The following ADGRV1 variants were observed in gnomAD, a reference collection of about 807,000 sequenced individuals.
The protein encoded by ADGRV1 is adhesion G protein-coupled receptor V1.
In ADGRV1, 359 loss-of-function variants were observed where a neutral mutation model predicts 596.2. That is an observed-to-expected ratio of 0.60 (90% CI 0.55 to 0.66). The LOEUF is 0.66. ADGRV1 is among the 30% of genes least tolerant of loss of function. ADGRV1 has a pLI of 0.00. For synonymous variants in ADGRV1, 2,681 were observed against 2,679.2 expected, an observed-to-expected ratio of 1.00 and a Z score of -0.02; for missense variants, 7,274 against 7,575.6, an observed-to-expected ratio of 0.96 and a Z score of 1.48.
chr5:90,791,161 A>C lies in ADGRV1; in HGVS notation c.14332A>C (p.Asn4778His). The stretch of plus-strand genomic sequence containing the variant: ...TCGCCAGTCAATACTTATTGGGCAG[A>C]ACCTTATTAGATCCATCCAAATTAA... The part of the protein sequence containing the change: ...SDRQSILIGQ[N>H]LIRSIQINIT... The change falls in exon 70 of 90, where the codon AAC (asparagine) becomes CAC (histidine). Residue 4778 changes from asparagine to histidine, a missense_variant. By Grantham distance (68) the Asn-to-His change is moderately conservative. Transcript: ENST00000405460. 1 of 1,613,988 alleles carries C rather than the reference A, an allele frequency of 6.2e-7. No homozygotes were observed. Among genetic ancestry groups the C allele is most frequent in the Non-Finnish European group, 8.5e-7 (1 of 1,179,890 alleles).
chr5:90,644,092 AG>A (rs1767367859), intron 14 of ADGRV1, 109 bp downstream of exon 14: 4 of 788,298 alleles, frequency 5.1e-6, no homozygotes, highest in Non-Finnish European at 7.7e-6. Context: ...ACCCTGCCTT[AG>A]AAATTACACA....
chr5:90,661,177 T>C (rs1770233485), intron 21 of ADGRV1, among the ~76,000 whole-genome samples: 1 of 152,216 alleles, frequency 6.6e-6, no homozygotes, highest in Non-Finnish European at 1.5e-5. Flanking sequence ...CTGTACCATA[T>C]TTTAGCACTG....
chr5:90,691,190 C>A, intron 31 of ADGRV1, 149 bp downstream of exon 31: 2 of 1,016,266 alleles, frequency 2.0e-6, no homozygotes. Flanking sequence ...GAAAGTGATC[C>A]TTACAGTTGA....
At position 90,622,634 on chromosome 5, in the gene ADGRV1, A is replaced by T. The variant is rs1187871746; in HGVS notation, c.491A>T (p.Asn164Ile). ...GCAGTGAGTGAGCCCAAGGGCAGAA[A>T]TGAGTCTATGCCTCTTACTCTCATC... ...SIAVSEPKGR[N>I]ESMPLTLIRE... The change falls in exon 5 of 90, where the codon AAT becomes ATT. Residue 164 changes from asparagine (N) to isoleucine (I), a missense_variant. Asn to Ile is a moderately radical substitution (Grantham distance 149). This residue lies in a region of ADGRV1 where 1,715 missense variants were observed against 1,708.8 expected (regional missense o/e 1.00). Transcript: ENST00000405460. The T allele has an allele frequency of 1.3e-6, 2 of 1,510,108 alleles. No homozygotes were observed. The highest frequency in any genetic ancestry group is 2.0e-5 in the Admixed American group (1 of 50,292). 93.5% of individuals were successfully genotyped at this position (1,510,108 alleles called of 1,614,324 possible).
chr5:90,997,920 C>G (rs1029113202), intron 85 of ADGRV1, among the ~76,000 whole-genome samples: 1 of 152,044 alleles, frequency 6.6e-6, no homozygotes, highest in Non-Finnish European at 1.5e-5. Context: ...GAGCAGGGGA[C>G]AATAAGTGAG....
At chr5:90,926,126 T>A (rs1774416618) in intron 83 of ADGRV1, among the ~76,000 whole-genome samples, 1 of 147,132 alleles carries the variant, frequency 6.8e-6, no homozygotes, top group Non-Finnish European at 1.5e-5. Flanking sequence ...GGCTTTGGTA[T>A]CAGAATGATG....
intron 84 of ADGRV1, among the ~76,000 whole-genome samples, chr5:90,966,376 T>G (rs1778457034): frequency 6.6e-6 from 1 of 151,288 alleles, no homozygotes; most frequent in African/African-American, 2.4e-5. Context: ...ACTAAAAATA[T>G]TAAAAATTAG....
At chr5:90,651,579 T>C in intron 17 of ADGRV1, 25 bp from the exon 18 acceptor site, 1 of 1,420,330 alleles carries the variant, frequency 7.0e-7, no homozygotes, top group East Asian at 2.4e-5. Context: ...TCTTTGTTAT[T>C]TTGTCTTTTC....
chr5:91,116,422 C>T (rs914105870), intron 87 of ADGRV1, among the ~76,000 whole-genome samples: 2 of 152,122 alleles, frequency 1.3e-5, no homozygotes, highest in African/African-American at 4.8e-5. Context: ...GTGAAATTTC[C>T]AGCACTTAAC....
chr5:90,773,428 G>GA (rs1283204258), intron 59 of ADGRV1, among the ~76,000 whole-genome samples: 3 of 150,956 alleles, frequency 2.0e-5, no homozygotes, highest in Admixed American at 6.6e-5. Flanking sequence ...TGAGATCCAA[G>GA]AAAAAAAATA....
intron 34 of ADGRV1, among the ~76,000 whole-genome samples, chr5:90,699,953 A>C (rs1309127129): frequency 6.6e-6 from 1 of 152,226 alleles, no homozygotes; most frequent in East Asian, 1.9e-4. Flanking sequence ...TCTTGCTGGC[A>C]TGAGTGCTCC....
chr5:90,968,938 G>A (rs942547031), intron 84 of ADGRV1, among the ~76,000 whole-genome samples: 1 of 152,128 alleles, frequency 6.6e-6, no homozygotes, highest in South Asian at 2.1e-4. Flanking sequence ...AGTTAAGCAT[G>A]TCAGAATTGT....
At chr5:91,015,698 G>A (rs114696257) in intron 85 of ADGRV1, among the ~76,000 whole-genome samples, 11 of 151,870 alleles carry the variant, frequency 7.2e-5, no homozygotes, top group Admixed American at 2.0e-4. Context: ...AATTAGAATC[G>A]CAACTTCTGC....
Position 90,558,852 on chromosome 5 carries a change from C to A in ADGRV1, c.-44C>A. 1 of 1,556,276 alleles carries A rather than the reference C, an allele frequency of 6.4e-7. No individual in the cohort carries two copies. Among genetic ancestry groups the A allele is most frequent in the Non-Finnish European group, 8.7e-7 (1 of 1,148,144 alleles). On this transcript the variant is annotated 5_prime_UTR_variant, in exon 1 of 90. Transcript: ENST00000405460. The stretch of plus-strand genomic sequence containing the variant: ...GTACGGACGGGAGTCAGAGGCAGAG[C>A]GAGGGTGTGTGGAGGGCCGGCGGGG...
At chr5:90,981,811 A>G (rs1055825679) in intron 84 of ADGRV1, among the ~76,000 whole-genome samples, 43 of 152,268 alleles carry the variant, frequency 2.8e-4, no homozygotes, top group African/African-American at 9.6e-4. Flanking sequence ...AATGCTGTAC[A>G]GAAGTGCACA....
intron 70 of ADGRV1, among the ~76,000 whole-genome samples, chr5:90,801,276 C>T (rs1374620711): frequency 2.0e-5 from 3 of 152,118 alleles, no homozygotes; most frequent in African/African-American, 7.2e-5. Flanking sequence ...TCCATTTTAG[C>T]ATTTAATTAC....
chr5:91,015,138 C>A (rs781593199), intron 85 of ADGRV1, among the ~76,000 whole-genome samples: 1 of 151,926 alleles, frequency 6.6e-6, no homozygotes, highest in Non-Finnish European at 1.5e-5. Flanking sequence ...CATTTTTTTA[C>A]CCAAAAATCA....
rs1294865596 is a variant in ADGRV1, at chr5:91,001,273, T to A, written c.18152+15751T>A. On this transcript the variant is annotated intron_variant, in intron 85 of 89. Coordinates refer to ENST00000405460, the MANE Select transcript of ADGRV1 (RefSeq NM_032119.4). ...TTTTATCTTTTGTGGAGACCAGGTC[T>A]CACTATGTTACCCAGGCTGGTCTTG... 2.0e-5 allele frequency among the ~76,000 whole-genome samples: 3 copies of A among 152,178 alleles called. No individual in the cohort carries two copies. The East Asian group carries it at 5.8e-4, about 30-fold the overall frequency.
intron 83 of ADGRV1, among the ~76,000 whole-genome samples, chr5:90,936,583 T>A (rs1477774904): frequency 6.6e-6 from 1 of 152,002 alleles, no homozygotes; most frequent in African/African-American, 2.4e-5. Context: ...TTTATTTTCT[T>A]CTACCTAATA....
Sources: gnomAD v4.1 joint callset for allele counts (sites outside exome capture counted in the v4.1 genomes callset) on GRCh38, gnomAD v4.1.1 for gene constraint, gnomAD v4.1.1 regional missense constraint, MANE v1.5 for transcripts, NCBI Gene and HGNC (gene_info 2026-07-23, HGNC 2026-07-21) for gene names.